Variants in GRIA1 observed in about 807,000 individuals in gnomAD.
GRIA1 encodes glutamate ionotropic receptor AMPA type subunit 1.
GRIA1 carries 31 observed loss-of-function variants against 99.2 expected under a neutral mutation model. That is an observed-to-expected ratio of 0.31 (90% CI 0.23 to 0.42). GRIA1 has a LOEUF of 0.42. Ranked by LOEUF, GRIA1 falls within the 10% of genes least tolerant of loss-of-function variation. GRIA1 has a pLI of 1.00. For synonymous variants in GRIA1, 438 were observed against 432.4 expected (o/e 1.01, Z -0.16); for missense variants, 782 against 1,157.5 (o/e 0.68, Z 4.71).
At chr5:153,672,335 G>A (rs559155012) in intron 5 of GRIA1, among the ~76,000 whole-genome samples, 23 of 152,312 alleles carry the variant, frequency 1.5e-4, no homozygotes, top group East Asian at 3.9e-4. Flanking sequence ...CAGTTGGTAC[G>A]TAAAGTAGAA....
chr5:153,671,395 T>C (rs1167215202), intron 5 of GRIA1, among the ~76,000 whole-genome samples: 1 of 152,216 alleles, frequency 6.6e-6, no homozygotes, highest in African/African-American at 2.4e-5. Context: ...CTAAGAACTA[T>C]GAGAAATCTT....
At position 153,733,385 on chromosome 5, in the gene GRIA1, T is replaced by G. The variant is rs1459825228; in HGVS notation, c.1823+27318T>G. ...AAACCTACAGTAGGTACAAAAAAGA[T>G]AAAGAGAAAGGAATCAAGGCATACC... is the stretch of plus-strand genomic sequence containing the variant. On this transcript the variant is annotated intron_variant, in intron 11 of 15. Coordinates refer to ENST00000285900, the MANE Select transcript of GRIA1 (RefSeq NM_000827.4). Among the ~76,000 whole-genome samples the G allele has an allele frequency of 2.6e-5, 4 of 151,748 alleles. No individual in the cohort carries two copies. The East Asian group carries it at 7.7e-4, about 29-fold the overall frequency.
chr5:153,665,960 C>A (rs1327450379), intron 5 of GRIA1, among the ~76,000 whole-genome samples: 1 of 152,118 alleles, frequency 6.6e-6, no homozygotes, highest in Non-Finnish European at 1.5e-5. Context: ...CAACTAATGG[C>A]TATACAGGTT....
chr5:153,678,318 C>T (rs1418051951), intron 7 of GRIA1, among the ~76,000 whole-genome samples: 7 of 152,218 alleles, frequency 4.6e-5, no homozygotes, highest in African/African-American at 1.7e-4. Flanking sequence ...CTGAAGGAAC[C>T]TCACCAGCTG....
intron 2 of GRIA1, among the ~76,000 whole-genome samples, chr5:153,607,068 T>TATATAA (rs1491415058): frequency 1.3e-4 from 18 of 140,448 alleles, no homozygotes; most frequent in African/African-American, 4.4e-4. Flanking sequence ...TATATATATA[T>TATATAA]AATCACAGTT....
At chr5:153,673,218 A>G (rs1187909362) in intron 5 of GRIA1, among the ~76,000 whole-genome samples, 1 of 152,172 alleles carries the variant, frequency 6.6e-6, no homozygotes, top group Non-Finnish European at 1.5e-5. Flanking sequence ...CCCATAGCTC[A>G]GACACAGGCA....
rs1208765823 is a variant in GRIA1, at chr5:153,647,074, C to T, written c.367C>T (p.Leu123Phe). ...CGTTGATACATCCAATCAGTTTGTCCTTCAGCTGCGCCCTGAACTGCAGGA... is the reference window on the plus strand; with the variant it reads ...CGTTGATACATCCAATCAGTTTGTCTTTCAGCTGCGCCCTGAACTGCAGGA... ...FPVDTSNQFVLQLRPELQDAL... is the reference protein window; with the variant it reads ...FPVDTSNQFVFQLRPELQDAL... Residue 123 changes from leucine (L) to phenylalanine (F), a missense_variant, in exon 3 of 16, where the codon CTT becomes TTT. Transcript: ENST00000285900. 3 of 1,613,774 alleles carry T rather than the reference C, an allele frequency of 1.9e-6. No individual in the cohort carries two copies. Among genetic ancestry groups the T allele is most frequent in the African/African-American group, 1.3e-5 (1 of 74,868 alleles).
chr5:153,506,442 A>G (rs528351497), intron 2 of GRIA1, among the ~76,000 whole-genome samples: 4 of 152,170 alleles, frequency 2.6e-5, no homozygotes, highest in Admixed American at 1.3e-4. Context: ...GTGATTATAA[A>G]AAGGATGCTG....
rs923136775 is a variant in GRIA1 at position 153,578,360 on chromosome 5, A to G, written c.221-68568A>G. Among the ~76,000 whole-genome samples the G allele has an allele frequency of 2.0e-5, 3 of 152,132 alleles. No homozygotes were observed. In the East Asian group the frequency reaches 5.8e-4, roughly 29 times the overall value. On this transcript the variant is annotated intron_variant, in intron 2 of 15. Transcript: ENST00000285900. ...TGCTGGATGGTATTCATGCTACAAA[A>G]CAATTTGGAGAATATTCTAGCCAAA...
intron 8 of GRIA1, 69 bp from the exon 9 acceptor site, chr5:153,697,975 G>T (rs1293715574): frequency 2.7e-6 from 2 of 727,622 alleles, no homozygotes; most frequent in Non-Finnish European, 4.9e-6. Flanking sequence ...TATTGACTGG[G>T]TGACCCAGAG....
intron 2 of GRIA1, among the ~76,000 whole-genome samples, chr5:153,533,297 G>T (rs1302515931): frequency 6.6e-6 from 1 of 151,870 alleles, no homozygotes; most frequent in East Asian, 1.9e-4. Flanking sequence ...GCACTGAGTT[G>T]CACAAAAGAA....
At chr5:153,634,491 C>T (rs1315234246) in intron 2 of GRIA1, among the ~76,000 whole-genome samples, 2 of 151,962 alleles carry the variant, frequency 1.3e-5, no homozygotes, top group Non-Finnish European at 2.9e-5. Context: ...GCAAGAAAGT[C>T]GGGACTGTCC....
At chr5:153,708,131 A>G (rs1759049557) in intron 11 of GRIA1, among the ~76,000 whole-genome samples, 1 of 152,114 alleles carries the variant, frequency 6.6e-6, no homozygotes, top group African/African-American at 2.4e-5. Flanking sequence ...TCTCCCCACT[A>G]TTCCTCCAGG....
chr5:153,776,072 G>C (rs996789019), intron 13 of GRIA1, among the ~76,000 whole-genome samples: 1 of 152,184 alleles, frequency 6.6e-6, no homozygotes. Context: ...TTTACAGGGA[G>C]GGACATGATT....
At chr5:153,784,434 C>T (rs1350234027) in intron 13 of GRIA1, among the ~76,000 whole-genome samples, 1 of 152,120 alleles carries the variant, frequency 6.6e-6, no homozygotes, top group Admixed American at 6.5e-5. Context: ...GTCATTTGTA[C>T]AGTCAGAAAC....
At chr5:153,490,488 G>A (rs768184274), upstream of GRIA1, 131 of 241,088 alleles carry the variant, frequency 5.4e-4, 1 homozygote, top group Non-Finnish European at 8.1e-4. Flanking sequence ...AGGGAGGTCG[G>A]CTGTGGAACT....
intron 11 of GRIA1, among the ~76,000 whole-genome samples, chr5:153,745,868 A>G (rs1762125093): frequency 1.3e-5 from 2 of 152,060 alleles, no homozygotes; most frequent in Non-Finnish European, 2.9e-5. Flanking sequence ...TTCACCTCTT[A>G]TGGTCCATTT....
intron 2 of GRIA1, among the ~76,000 whole-genome samples, chr5:153,642,072 A>G (rs1361234850): frequency 1.3e-5 from 2 of 152,236 alleles, no homozygotes; most frequent in African/African-American, 4.8e-5. Context: ...GGAATACATC[A>G]AACATACCAC....
rs768128360 is a variant in GRIA1, at chr5:153,802,334, C to T, written c.2386-22C>T. 6 of 1,612,758 alleles carry T rather than the reference C, an allele frequency of 3.7e-6. No homozygotes were observed. In the African/African-American group the frequency reaches 8.0e-5, roughly 22 times the overall value. On this transcript the variant is annotated intron_variant, in intron 14 of 15. Transcript: ENST00000285900. ...CACTTTATTCTTCCCCCTCCCCTTC[C>T]TTTCCCTCCTCCTCTTCTTAGGACA...
Sources: gnomAD v4.1 joint callset for allele counts (sites outside exome capture counted in the v4.1 genomes callset) on GRCh38, gnomAD v4.1.1 for gene constraint, MANE v1.5 for transcripts, NCBI Gene and HGNC (gene_info 2026-07-23, HGNC 2026-07-21) for gene names.